The following ABTB2 variants were observed in gnomAD, a reference collection of about 807,000 sequenced individuals.
The protein encoded by ABTB2 is ankyrin repeat and BTB/POZ domain-containing protein 2.
A neutral mutation model predicts 104.1 loss-of-function variants in ABTB2; 56 were observed. That is an observed-to-expected ratio of 0.54 (90% CI 0.43 to 0.67). ABTB2 has a LOEUF of 0.67. ABTB2 is among the 30% of genes least tolerant of loss of function. The pLI is 0.00. For synonymous variants in ABTB2, 606 were observed against 608.2 expected (o/e 1.00, Z 0.05); for missense variants, 1,279 against 1,407.7 (o/e 0.91, Z 1.46).
chr11:34,313,754 A>G (rs1415101721), intron 1 of ABTB2, among the ~76,000 whole-genome samples: 2 of 152,236 alleles, frequency 1.3e-5, no homozygotes. Flanking sequence ...AACTCTACGG[A>G]GAAACAAGTG....
intron 5 of ABTB2, among the ~76,000 whole-genome samples, chr11:34,169,640 C>T (rs1590205437): frequency 6.6e-6 from 1 of 152,112 alleles, no homozygotes; most frequent in Non-Finnish European, 1.5e-5. Flanking sequence ...AGCCCGGGAA[C>T]CTGTGTGGAC....
At chr11:34,168,467 CTAT>C (rs1456973234) in intron 5 of ABTB2, among the ~76,000 whole-genome samples, 1 of 152,330 alleles carries the variant, frequency 6.6e-6, no homozygotes, top group South Asian at 2.1e-4. Context: ...CTCATGGCTA[CTAT>C]GCCATACAGC....
At chr11:34,265,600 G>A (rs183703946) in intron 1 of ABTB2, among the ~76,000 whole-genome samples, 101 of 148,864 alleles carry the variant, frequency 6.8e-4, no homozygotes, top group Middle Eastern at 3.4e-3. Context: ...GGAGGTTGCG[G>A]TGAGCCGAGA....
intron 3 of ABTB2, among the ~76,000 whole-genome samples, chr11:34,188,887 A>G (rs1193368874): frequency 6.6e-6 from 1 of 152,234 alleles, no homozygotes; most frequent in Non-Finnish European, 1.5e-5. Context: ...GGAATGGAAC[A>G]AAGAGGTGCC....
rs377271900 is a variant in ABTB2, at chr11:34,197,544, G to C, written c.1031-6C>G. 1.3e-4 allele frequency: 209 copies of C among 1,561,728 alleles called. No individual in the cohort carries two copies. The African/African-American group carries it at 2.6e-3, about 19-fold the overall frequency. Reference sequence around the variant, plus strand: ...GGCACGGGAGACCAAGTCACCTGGTGGGGGGCGGGGAGGGCAGAGGGGAGG... The same window carrying C: ...GGCACGGGAGACCAAGTCACCTGGTCGGGGGCGGGGAGGGCAGAGGGGAGG... On this transcript the variant is annotated splice_region_variant and splice_polypyrimidine_tract_variant and intron_variant, in intron 2 of 16. Coordinates refer to ENST00000435224, the MANE Select transcript of ABTB2 (RefSeq NM_145804.3).
At chr11:34,266,534 A>G (rs1041991193) in intron 1 of ABTB2, among the ~76,000 whole-genome samples, 1 of 152,092 alleles carries the variant, frequency 6.6e-6, no homozygotes, top group Non-Finnish European at 1.5e-5. Context: ...GTGTCTTGTT[A>G]TTTCTGAGCA....
chr11:34,269,866 G>A (rs1350795104), intron 1 of ABTB2, among the ~76,000 whole-genome samples: 1 of 152,186 alleles, frequency 6.6e-6, no homozygotes, highest in Non-Finnish European at 1.5e-5. Context: ...CAACTCCACA[G>A]TTCATAACAT....
At chr11:34,256,226 AC>A (rs1854121358) in intron 1 of ABTB2, among the ~76,000 whole-genome samples, 1 of 152,130 alleles carries the variant, frequency 6.6e-6, no homozygotes, top group Non-Finnish European at 1.5e-5. Flanking sequence ...CAGATGGAAA[AC>A]ATAAACTTAA....
At chr11:34,243,945 G>T (rs1015447206) in intron 1 of ABTB2, among the ~76,000 whole-genome samples, 1 of 152,246 alleles carries the variant, frequency 6.6e-6, no homozygotes, top group African/African-American at 2.4e-5. Context: ...AGAAGAGCAG[G>T]GGACCTGTCT....
chr11:34,305,474 C>T (rs1854760181), intron 1 of ABTB2, among the ~76,000 whole-genome samples: 1 of 152,206 alleles, frequency 6.6e-6, no homozygotes, highest in African/African-American at 2.4e-5. Flanking sequence ...AATAGCCAGT[C>T]AACGGGGCGA....
rs1285159230 is a variant in ABTB2 at position 34,151,799 on chromosome 11, T to C, written c.*588A>G. On this transcript the variant is annotated 3_prime_UTR_variant, in exon 17 of 17. Coordinates refer to ENST00000435224, the MANE Select transcript of ABTB2 (RefSeq NM_145804.3). ...GAACTCCGGGTGGCAGCAGTCGTGG[T>C]GGCAGGGGGGGGTCCACAGGCCACT... 2 of 152,854 alleles carry C rather than the reference T, an allele frequency of 1.3e-5. No homozygotes were observed. Among genetic ancestry groups the C allele is most frequent in the African/African-American group, 2.4e-5 (1 of 41,516 alleles). The allele number at this position is 152,854 out of a possible 1,614,324, so 9.5% of individuals were successfully genotyped here. A position where few individuals can be genotyped will look rare whatever the true frequency, so the allele number is the denominator to read the frequency against.
chr11:34,229,449 C>A (rs1331794947), intron 1 of ABTB2, among the ~76,000 whole-genome samples: 2 of 150,730 alleles, frequency 1.3e-5, no homozygotes, highest in Non-Finnish European at 3.0e-5. Flanking sequence ...CCACTGCACT[C>A]CAGCCTGGGT....
chr11:34,235,827 G>A (rs1853835890), intron 1 of ABTB2, among the ~76,000 whole-genome samples: 1 of 152,214 alleles, frequency 6.6e-6, no homozygotes, highest in Admixed American at 6.5e-5. Flanking sequence ...CTAGCTAAGT[G>A]AACACTCTTT....
At chr11:34,339,162 G>A (rs990598023) in intron 1 of ABTB2, among the ~76,000 whole-genome samples, 1 of 152,064 alleles carries the variant, frequency 6.6e-6, no homozygotes, top group Non-Finnish European at 1.5e-5. Flanking sequence ...GGTCTCCAAC[G>A]CCTGGCCACA....
intron 3 of ABTB2, among the ~76,000 whole-genome samples, chr11:34,193,324 G>A (rs1020981259): frequency 6.6e-6 from 1 of 152,226 alleles, no homozygotes; most frequent in African/African-American, 2.4e-5. Context: ...AGGCACCCTG[G>A]AAGGGTGCAG....
At chr11:34,322,109 A>C (rs2133111505) in intron 1 of ABTB2, among the ~76,000 whole-genome samples, 1 of 152,336 alleles carries the variant, frequency 6.6e-6, no homozygotes, top group South Asian at 2.1e-4. Context: ...TAACGATCTA[A>C]GCTACATATC....
intron 14 of ABTB2, among the ~76,000 whole-genome samples, chr11:34,157,306 G>T (rs577181067): frequency 1.3e-5 from 2 of 152,338 alleles, no homozygotes; most frequent in Non-Finnish European, 2.9e-5. Context: ...CTTGGCAAGA[G>T]GCCCAGGGGA....
In ABTB2 at chr11:34,357,195, C is replaced by T. The variant is rs1240992953; in HGVS notation, c.389G>A (p.Gly130Glu). Reference protein sequence around the residue: ...FSAEAVRRLAGLLRRALIRVA... With the variant: ...FSAEAVRRLAELLRRALIRVA... ...GCGGATCAGTGCCCTGCGGAGCAGC[C>T]CGGCCAGGCGCCTCACCGCCTCGGC... is the stretch of plus-strand genomic sequence containing the variant. The change falls in exon 1 of 17, where the codon GGG becomes GAG. Residue 130 changes from glycine (G) to glutamate (E), a missense_variant. Physicochemically the swap from Gly to Glu is moderately conservative, Grantham distance 98. Coordinates refer to ENST00000435224, the MANE Select transcript of ABTB2 (RefSeq NM_145804.3). 4.0e-6 allele frequency: 6 copies of T among 1,508,500 alleles called. No individual in the cohort carries two copies. Among genetic ancestry groups the T allele is most frequent in the African/African-American group, 2.8e-5 (2 of 70,552 alleles). 93.4% of individuals were successfully genotyped at this position (1,508,500 alleles called of 1,614,324 possible). A position where few individuals can be genotyped will look rare whatever the true frequency, so the allele number is the denominator to read the frequency against.
At chr11:34,309,122 G>A (rs949518715) in intron 1 of ABTB2, among the ~76,000 whole-genome samples, 1 of 152,176 alleles carries the variant, frequency 6.6e-6, no homozygotes, top group African/African-American at 2.4e-5. Context: ...TACTTATACA[G>A]GTTGCTTCCA....
Sources: allele counts gnomAD v4.1 joint callset (sites outside exome capture counted in the v4.1 genomes callset), GRCh38; gene constraint gnomAD v4.1.1; transcripts MANE v1.5; gene names NCBI Gene and HGNC (gene_info 2026-07-23, HGNC 2026-07-21).